SPMIP6: variants seen among roughly 807,000 people sequenced by gnomAD.
SPMIP6 encodes ciliated bronchial epithelial protein 1.
At chr9:34,397,779 C>T in the SPMIP6 span, 1 of 795,868 alleles carries the variant, frequency 1.3e-6, no homozygotes, top group East Asian at 2.6e-5. Flanking sequence ...GAGGATCTCT[C>T]AGCTTCCTTC....
At chr9:34,394,781 C>T in the SPMIP6 span, among the ~76,000 whole-genome samples, 1 of 152,092 alleles carries the variant, frequency 6.6e-6, no homozygotes, top group Non-Finnish European at 1.5e-5. Flanking sequence ...GTTTATAGTG[C>T]TAATAATGGC....
chr9:34,384,616 G>A, the SPMIP6 span, among the ~76,000 whole-genome samples: 1 of 152,162 alleles, frequency 6.6e-6, no homozygotes, highest in African/African-American at 2.4e-5. Flanking sequence ...TTCATCATAG[G>A]AGATGCACAT....
chr9:34,379,067 G>T, the SPMIP6 span: 12 of 1,532,054 alleles, frequency 7.8e-6, no homozygotes, highest in South Asian at 1.1e-4. The surrounding 1 kb of genome is among the most constrained non-coding windows in gnomAD (Gnocchi z 4.2). Context: ...GGCACAGCAA[G>T]CCCAGGCTCT....
the SPMIP6 span, among the ~76,000 whole-genome samples, chr9:34,397,090 T>C: frequency 2.0e-5 from 3 of 152,224 alleles, no homozygotes; most frequent in African/African-American, 7.2e-5. Flanking sequence ...ATCACTTGTC[T>C]GGAACTTTCA....
chr9:34,389,112 TTGTTTATAGAGACGA>T, the SPMIP6 span, among the ~76,000 whole-genome samples: 252 of 152,034 alleles, frequency 1.7e-3, no homozygotes, highest in African/African-American at 5.7e-3. Flanking sequence ...TTTTTTAAAT[TTGTTTATAGAGACGA>T]TGTTTCCCTG....
the SPMIP6 span, among the ~76,000 whole-genome samples, chr9:34,388,361 A>G: frequency 2.0e-5 from 3 of 147,918 alleles, no homozygotes; most frequent in Non-Finnish European, 4.5e-5. Context: ...CATGTTGGCC[A>G]GGCTGGTCTC....
At chr9:34,385,760 G>C in the SPMIP6 span, 5 of 1,613,490 alleles carry the variant, frequency 3.1e-6, no homozygotes. Context: ...TCCACATGTC[G>C]CTCCATGGTA....
chr9:34,389,668 C>G, the SPMIP6 span, among the ~76,000 whole-genome samples: 2 of 152,174 alleles, frequency 1.3e-5, no homozygotes, highest in Non-Finnish European at 2.9e-5. Context: ...CCCGGTGGCA[C>G]TGAATCTTTA....
the SPMIP6 span, among the ~76,000 whole-genome samples, chr9:34,389,449 C>G: frequency 0.14 from 21,179 of 152,192 alleles, 1,502 homozygotes; most frequent in South Asian, 0.16. Context: ...TTGCCCTTCT[C>G]TATAAATTTT....
At chr9:34,381,776 G>T in the SPMIP6 span, 6 of 985,052 alleles carry the variant, frequency 6.1e-6, no homozygotes, top group African/African-American at 3.5e-5. The surrounding 1 kb of genome is among the most constrained non-coding windows in gnomAD (Gnocchi z 4.4). Flanking sequence ...CTAATAGGGG[G>T]TTTTCAATAT....
chr9:34,383,499 G>A, the SPMIP6 span, among the ~76,000 whole-genome samples: 1 of 152,200 alleles, frequency 6.6e-6, no homozygotes, highest in Admixed American at 6.5e-5. Context: ...ACTCCAGCCT[G>A]GGTGACAGAT....
chr9:34,397,807 T>A, the SPMIP6 span: 1 of 632,800 alleles, frequency 1.6e-6, no homozygotes, highest in Non-Finnish European at 2.7e-6. Flanking sequence ...GCCTTCCTGC[T>A]CCCACCCCAC....
the SPMIP6 span, among the ~76,000 whole-genome samples, chr9:34,384,326 G>A: frequency 6.6e-6 from 1 of 152,150 alleles, no homozygotes; most frequent in African/African-American, 2.4e-5. Flanking sequence ...GGGAGAAGAG[G>A]GTGCAGGATA....
chr9:34,387,188 A>G, the SPMIP6 span, among the ~76,000 whole-genome samples: 1 of 151,944 alleles, frequency 6.6e-6, no homozygotes, highest in African/African-American at 2.4e-5. Flanking sequence ...TTTCATAGAG[A>G]TGGAGTTTCA....
chr9:34,381,143 G>C, the SPMIP6 span: 19 of 1,570,602 alleles, frequency 1.2e-5, no homozygotes, highest in African/African-American at 2.4e-4. This position sits in a 1 kb window ranked among gnomAD's most constrained non-coding sequence, Gnocchi z 4.4. Context: ...TGCTCCCGCG[G>C]GTCCCCAGCG....
At chr9:34,390,286 T>A in the SPMIP6 span, among the ~76,000 whole-genome samples, 1 of 152,208 alleles carries the variant, frequency 6.6e-6, no homozygotes, top group African/African-American at 2.4e-5. Context: ...TATATATTTT[T>A]TATCAGGTTA....
At chr9:34,394,174 G>GAGAT in the SPMIP6 span, among the ~76,000 whole-genome samples, 1 of 151,896 alleles carries the variant, frequency 6.6e-6, no homozygotes, top group Non-Finnish European at 1.5e-5. Flanking sequence ...ATTATTTTTT[G>GAGAT]AGATGGAGTC....
the SPMIP6 span, among the ~76,000 whole-genome samples, chr9:34,396,413 A>C: frequency 6.6e-6 from 1 of 151,766 alleles, no homozygotes; most frequent in East Asian, 1.9e-4. Context: ...TCATCTGTTC[A>C]CCCCTCGCTG....
chr9:34,383,018 C>G, the SPMIP6 span: 1 of 644,980 alleles, frequency 1.6e-6, no homozygotes, highest in Non-Finnish European at 2.8e-6. Context: ...CCCAGCCGGG[C>G]CTACACTTGT....
Sources: gnomAD v4.1 joint callset for allele counts (sites outside exome capture counted in the v4.1 genomes callset) on GRCh38, gnomAD v4.1.1 for gene constraint, Gnocchi (gnomAD v3.1) non-coding constraint, MANE v1.5 for transcripts, NCBI Gene and HGNC (gene_info 2026-07-23, HGNC 2026-07-21) for gene names.